TMED5: variants seen among roughly 807,000 people sequenced by gnomAD.
The protein encoded by TMED5 is transmembrane emp24 domain-containing protein 5.
A neutral mutation model predicts 23.0 loss-of-function variants in TMED5; 27 were observed. That is an observed-to-expected ratio of 1.17 (90% CI 0.86 to 1.62). The LOEUF is 1.62. Ranked by LOEUF, TMED5 falls within the 40% of genes most tolerant of loss-of-function variation. The probability of loss-of-function intolerance (pLI) is 0.00; values close to 1 mark genes in which losing one functional copy is unlikely to be tolerated. For missense variants in TMED5, 248 were observed against 273.7 expected, an observed-to-expected ratio of 0.91 and a Z score of 0.66; for synonymous variants, 97 against 100.8, an observed-to-expected ratio of 0.96 and a Z score of 0.23.
chr1:93,163,663 A>G (rs770186124), intron 1 of TMED5, among the ~76,000 whole-genome samples: 55 of 151,622 alleles, frequency 3.6e-4, no homozygotes, highest in Admixed American at 9.8e-4. Flanking sequence ...CTTTAAAAAT[A>G]CAAAATAAAT....
At position 93,162,093 on chromosome 1, in the gene TMED5, C is replaced by T. The variant is rs530785256; in HGVS notation, c.190-1867G>A. On this transcript the variant is annotated intron_variant, in intron 1 of 3. Transcript: ENST00000370282. ...TATTTGGAACACTATATAGTACAGC[C>T]TTTTAACTGAAAAAAAAAAAAACCT... 2.7e-5 allele frequency: 4 copies of T among 150,064 alleles called. No individual in the cohort carries two copies. The East Asian group carries it at 7.8e-4, about 29-fold the overall frequency. 9.3% of individuals were successfully genotyped at this position (150,064 alleles called of 1,614,324 possible).
chr1:93,172,761 C>T (rs1648771351), intron 1 of TMED5, among the ~76,000 whole-genome samples: 1 of 152,056 alleles, frequency 6.6e-6, no homozygotes, highest in Non-Finnish European at 1.5e-5. Context: ...GGTATACATC[C>T]AAAGGAACTG....
intron 1 of TMED5, among the ~76,000 whole-genome samples, chr1:93,167,301 A>G (rs1648544306): frequency 6.6e-6 from 1 of 152,190 alleles, no homozygotes; most frequent in African/African-American, 2.4e-5. Flanking sequence ...TCTGGGAAGA[A>G]TGCCAAAGGT....
rs1197961896 is a variant in TMED5 at position 93,154,983 on chromosome 1, A to C, written c.472-95T>G. 46 of 904,378 alleles carry C rather than the reference A, an allele frequency of 5.1e-5. No homozygotes were observed. The Admixed American group carries it at 1.1e-3, about 21-fold the overall frequency. The allele number at this position is 904,378 out of a possible 1,614,324, so 56.0% of individuals were successfully genotyped here. ...CTGGGTGCAGTGACTCATGCCTTGT[A>C]ATCCTGGAACTTTGGGAGACTAGGG... On this transcript the variant is annotated intron_variant, in intron 3 of 3. Transcript: ENST00000370282.
At chr1:93,176,460 T>G (rs567639559) in intron 1 of TMED5, among the ~76,000 whole-genome samples, 4 of 152,154 alleles carry the variant, frequency 2.6e-5, no homozygotes, top group Non-Finnish European at 5.9e-5. Context: ...CATGTATTTG[T>G]GTAATAATTT....
intron 1 of TMED5, among the ~76,000 whole-genome samples, chr1:93,170,548 G>C (rs566252643): frequency 1.3e-5 from 2 of 152,278 alleles, no homozygotes; most frequent in East Asian, 3.9e-4. Flanking sequence ...AAGCCTCCCC[G>C]AAGAGCGCCA....
intron 2 of TMED5, among the ~76,000 whole-genome samples, chr1:93,158,657 G>A (rs912879020): frequency 6.7e-6 from 1 of 148,572 alleles, no homozygotes; most frequent in African/African-American, 2.5e-5. Context: ...TGCAACCTCC[G>A]CCTCCGGGGT....
intron 1 of TMED5, among the ~76,000 whole-genome samples, chr1:93,177,637 A>C (rs980246298): frequency 2.0e-5 from 3 of 149,978 alleles, no homozygotes; most frequent in Admixed American, 6.6e-5. Context: ...AGAGTGACTA[A>C]AGATGTAAAG....
intron 1 of TMED5, 177 bp downstream of exon 1, chr1:93,179,877 G>C (rs1005193594): frequency 1.2e-5 from 7 of 591,558 alleles, no homozygotes; most frequent in Non-Finnish European, 5.6e-6. Flanking sequence ...CTGGGTCCCC[G>C]GCCCCAGCGA....
chr1:93,179,281 G>T (rs985448994), intron 1 of TMED5, among the ~76,000 whole-genome samples: 1 of 150,192 alleles, frequency 6.7e-6, no homozygotes, highest in Non-Finnish European at 1.5e-5. Flanking sequence ...AGAATCGCTT[G>T]AACCCGGGAG....
In TMED5 at chr1:93,154,734, A is replaced by G; in HGVS notation, c.626T>C (p.Val209Ala). Residue 209 changes from valine to alanine, a missense_variant, in exon 4 of 4, where the codon GTG (valine) becomes GCG (alanine). By Grantham distance (64) the Val-to-Ala change is moderately conservative. Coordinates refer to ENST00000370282, the MANE Select transcript of TMED5 (RefSeq NM_016040.5). The part of the protein sequence containing the change: ...SMVNLVVMVV[V>A]SAIQVYMLKS... ...CAGCATATAAACTTGAATGGCTGAC[A>G]CCACCACCATGACCACTAAATTAAC... The G allele has an allele frequency of 6.2e-7, 1 of 1,614,036 alleles. No homozygotes were observed. Among genetic ancestry groups the G allele is most frequent in the Non-Finnish European group, 8.5e-7 (1 of 1,179,984 alleles).
chr1:93,151,561 G>GGTAA lies in TMED5; in HGVS notation c.*3105_*3108dup, dbSNP rs1394821941. ...TCAATTTCTGGGGTGAGGTGGAGCA[G>GGTAA]GTAAGTTCCCTGGGTGCTTATTTAG... On this transcript the variant is annotated 3_prime_UTR_variant, in exon 4 of 4. Transcript: ENST00000370282. 1 of 152,146 alleles carries GGTAA rather than the reference G, an allele frequency of 6.6e-6. No homozygotes were observed. Among genetic ancestry groups the GGTAA allele is most frequent in the African/African-American group, 2.4e-5 (1 of 41,432 alleles). 9.4% of individuals were successfully genotyped at this position (152,146 alleles called of 1,614,324 possible). A position where few individuals can be genotyped will look rare whatever the true frequency, so the allele number is the denominator to read the frequency against.
chr1:93,156,375 C>T lies in TMED5; in HGVS notation c.396G>A (p.Gln132=). Residue 132 remains glutamine, a synonymous_variant, in exon 3 of 4, where the codon CAG becomes CAA. Coordinates refer to ENST00000370282, the MANE Select transcript of TMED5 (RefSeq NM_016040.5). ...TCTTCCAATCTTCTTGTTCTTGTGC[C>T]TGTTCTCCCATATTATCCAGGATTA... The part of the protein sequence containing the change: ...FELILDNMGE[Q]AQEQEDWKKY... 3 of 1,613,836 alleles carry T rather than the reference C, an allele frequency of 1.9e-6. No homozygotes were observed. Among genetic ancestry groups the T allele is most frequent in the Non-Finnish European group, 2.5e-6 (3 of 1,179,868 alleles).
intron 1 of TMED5, among the ~76,000 whole-genome samples, chr1:93,168,570 T>C (rs1478348146): frequency 1.3e-5 from 2 of 152,232 alleles, no homozygotes; most frequent in South Asian, 2.1e-4. Flanking sequence ...GCATGGTGGC[T>C]CACGCCTGTA....
At chr1:93,155,537 T>C (rs1266120829) in intron 3 of TMED5, among the ~76,000 whole-genome samples, 1 of 128,248 alleles carries the variant, frequency 7.8e-6, no homozygotes. Context: ...CTAAGGTTTT[T>C]TTTTTTTTTT....
At chr1:93,165,934 G>C (rs927333175) in intron 1 of TMED5, among the ~76,000 whole-genome samples, 1 of 152,002 alleles carries the variant, frequency 6.6e-6, no homozygotes, top group African/African-American at 2.4e-5. Flanking sequence ...CCCAGCCTTT[G>C]TTAACCATCC....
In TMED5 at chr1:93,154,759, C is replaced by T; in HGVS notation, c.601G>A (p.Val201Ile). The change falls in exon 4 of 4, where the codon GTT becomes ATT. Residue 201 changes from valine to isoleucine, a missense_variant. Transcript: ENST00000370282. The stretch of plus-strand genomic sequence containing the variant: ...ACCACCACCATGACCACTAAATTAA[C>T]CATAGACCAGAAATTGACTCTATCA... ...NFDRVNFWSMVNLVVMVVVSA... is the reference protein window; with the variant it reads ...NFDRVNFWSMINLVVMVVVSA... 6.2e-7 allele frequency: 1 copy of T among 1,614,046 alleles called. No homozygotes were observed. Among genetic ancestry groups the T allele is most frequent in the Non-Finnish European group, 8.5e-7 (1 of 1,179,974 alleles).
intron 2 of TMED5, 90 bp from the exon 3 acceptor site, chr1:93,156,573 G>A: frequency 1.0e-6 from 1 of 998,732 alleles, no homozygotes; most frequent in Non-Finnish European, 1.5e-6. Flanking sequence ...GTAACAGGCT[G>A]AGTGTGTTGC....
In TMED5 at chr1:93,179,989, G is replaced by A. The variant is rs924514001; in HGVS notation, c.189+65C>T. The A allele has an allele frequency of 1.9e-5, 29 of 1,513,890 alleles. No individual in the cohort carries two copies. The East Asian group carries it at 6.7e-4, about 35-fold the overall frequency. 93.8% of individuals were successfully genotyped at this position (1,513,890 alleles called of 1,614,324 possible). The stretch of plus-strand genomic sequence containing the variant: ...CCGTCCACCAGAAGTTTCTAAACGG[G>A]TGAGAGGCGACAACGCAGTGCAGCT... On this transcript the variant is annotated intron_variant, in intron 1 of 3. Transcript: ENST00000370282.
Sources: allele counts gnomAD v4.1 joint callset (sites outside exome capture counted in the v4.1 genomes callset), GRCh38; gene constraint gnomAD v4.1.1; transcripts MANE v1.5; gene names NCBI Gene and HGNC (gene_info 2026-07-23, HGNC 2026-07-21).